The following PAK2 variants were observed in gnomAD, a reference collection of about 807,000 sequenced individuals.
The protein encoded by PAK2 is serine/threonine-protein kinase PAK 2.
A neutral mutation model predicts 65.9 loss-of-function variants in PAK2; 21 were observed. The observed-to-expected ratio is 0.32, with a 90% confidence interval of 0.23 to 0.46. The LOEUF is 0.46. PAK2 is among the 20% of genes least tolerant of loss of function. The probability of loss-of-function intolerance (pLI) is 1.00; values close to 1 mark genes in which losing one functional copy is unlikely to be tolerated. For missense variants in PAK2, 324 were observed against 642.6 expected (o/e 0.50, Z 5.36); for synonymous variants, 204 against 219.7 (o/e 0.93, Z 0.63).
chr3:196,823,466 CAG>C, intron 13 of PAK2, among the ~76,000 whole-genome samples: 1 of 152,016 alleles, frequency 6.6e-6, no homozygotes, highest in East Asian at 1.9e-4. Context: ...AAGCTCCTAT[CAG>C]CAGATCCAGA....
chr3:196,806,913 T>C (rs1278835775), intron 6 of PAK2, among the ~76,000 whole-genome samples: 1 of 152,174 alleles, frequency 6.6e-6, no homozygotes, highest in Non-Finnish European at 1.5e-5. Context: ...CTCACCTCAC[T>C]GGGCTTTTTT....
At chr3:196,803,215 TAGA>T (rs1715475598) in intron 4 of PAK2, 51 bp downstream of exon 4, 3 of 1,417,620 alleles carry the variant, frequency 2.1e-6, no homozygotes, top group Non-Finnish European at 2.9e-6. Context: ...GAAGCACTTC[TAGA>T]TAAAAAGATT....
chr3:196,777,770 G>A (rs956961321), intron 1 of PAK2, among the ~76,000 whole-genome samples: 2 of 152,144 alleles, frequency 1.3e-5, no homozygotes, highest in African/African-American at 2.4e-5. Flanking sequence ...GACTCAGGTC[G>A]TCTTTTATTT....
At chr3:196,805,169 A>G (rs1429209266) in intron 4 of PAK2, among the ~76,000 whole-genome samples, 183 bp from the exon 5 acceptor site, 3 of 151,848 alleles carry the variant, frequency 2.0e-5, no homozygotes, top group African/African-American at 7.3e-5. Context: ...TAGATTTCAG[A>G]TTTCTTACCT....
rs906620863 is a variant in PAK2, at chr3:196,787,735, C to T, written c.187+4902C>T. Among the ~76,000 whole-genome samples the T allele has an allele frequency of 3.9e-5, 6 of 152,270 alleles. No individual in the cohort carries two copies. In the South Asian group the frequency reaches 1.0e-3, roughly 26 times the overall value. ...CATGTCGTTTTCAGTCTCAGAGAGA[C>T]AGAGATGTGTGGAATGTTTGGAGGG... is the stretch of plus-strand genomic sequence containing the variant. On this transcript the variant is annotated intron_variant, in intron 2 of 14. Coordinates refer to ENST00000327134, the MANE Select transcript of PAK2 (RefSeq NM_002577.4).
intron 2 of PAK2, among the ~76,000 whole-genome samples, chr3:196,786,611 T>G (rs1714898672): frequency 6.6e-6 from 1 of 152,240 alleles, no homozygotes; most frequent in African/African-American, 2.4e-5. Flanking sequence ...TTTGTATATT[T>G]GTGAAAAGAT....
At chr3:196,750,077 C>T (rs992300782) in intron 1 of PAK2, among the ~76,000 whole-genome samples, 9 of 151,972 alleles carry the variant, frequency 5.9e-5, no homozygotes, top group African/African-American at 1.7e-4. Context: ...ACCTCCGCCT[C>T]CTGGGTTCAA....
chr3:196,806,246 C>G (rs1238928667), intron 5 of PAK2, among the ~76,000 whole-genome samples: 3 of 152,072 alleles, frequency 2.0e-5, no homozygotes, highest in African/African-American at 4.8e-5. Context: ...CCAGATGTCT[C>G]TGACATAACA....
intron 1 of PAK2, among the ~76,000 whole-genome samples, chr3:196,741,103 C>A (rs188364711): frequency 3.3e-5 from 5 of 152,198 alleles, no homozygotes; most frequent in African/African-American, 1.2e-4. Context: ...TCTTTGTTTT[C>A]TTTTTTAACC....
At chr3:196,765,499 T>C (rs547070536) in intron 1 of PAK2, among the ~76,000 whole-genome samples, 35 of 152,340 alleles carry the variant, frequency 2.3e-4, no homozygotes, top group African/African-American at 8.4e-4. Flanking sequence ...GCCAGCTGTA[T>C]ATAAGAATTC....
intron 11 of PAK2, among the ~76,000 whole-genome samples, chr3:196,817,665 T>C (rs1711519961): frequency 6.6e-6 from 1 of 151,976 alleles, no homozygotes; most frequent in Non-Finnish European, 1.5e-5. Context: ...CCCTGGCTAA[T>C]TTTTGTATTT....
In PAK2 at chr3:196,823,568, C is replaced by CA. The variant is rs774418777; in HGVS notation, c.1350+3009dup. The stretch of plus-strand genomic sequence containing the variant: ...GCAAACAAACAAACAAACAAACAAA[C>CA]AAAAAAAACACCTTGGGCCGGGCAC... On this transcript the variant is annotated intron_variant, in intron 13 of 14. Coordinates refer to ENST00000327134, the MANE Select transcript of PAK2 (RefSeq NM_002577.4). 4.5e-3 allele frequency among the ~76,000 whole-genome samples: 680 copies of CA among 150,230 alleles called. 5 individuals carry two copies. Among genetic ancestry groups the CA allele is most frequent in the African/African-American group, 0.016 (633 of 40,726 alleles).
intron 1 of PAK2, among the ~76,000 whole-genome samples, chr3:196,779,239 T>C (rs1714631387): frequency 6.6e-6 from 1 of 152,262 alleles, no homozygotes; most frequent in Non-Finnish European, 1.5e-5. Context: ...ACATACTTAT[T>C]TGATACTTTG....
intron 1 of PAK2, among the ~76,000 whole-genome samples, chr3:196,745,611 G>A (rs141686558): frequency 1.3e-5 from 2 of 152,208 alleles, no homozygotes; most frequent in East Asian, 3.9e-4. Flanking sequence ...GTCAGCAGTT[G>A]GAAACAGCCT....
rs186983607 is a variant in PAK2 at position 196,773,253 on chromosome 3, C to A, written c.-21-9373C>A. The stretch of plus-strand genomic sequence containing the variant: ...CAGATTTAGAGAGAGGCACTACTTA[C>A]CGTTTGCTCTTTTTTTTGTAAAACA... On this transcript the variant is annotated intron_variant, in intron 1 of 14. Transcript: ENST00000327134. Among the ~76,000 whole-genome samples, 20 of 152,290 alleles carry A rather than the reference C, an allele frequency of 1.3e-4. No homozygotes were observed. In the East Asian group the frequency reaches 2.5e-3, roughly 19 times the overall value.
chr3:196,755,959 T>A (rs1417717746), intron 1 of PAK2, among the ~76,000 whole-genome samples: 3 of 152,118 alleles, frequency 2.0e-5, no homozygotes, highest in African/African-American at 7.2e-5. Flanking sequence ...TTTCACTGTG[T>A]TGGTCTGGCT....
chr3:196,785,049 C>T (rs76192581), intron 2 of PAK2: 15,047 of 152,222 alleles, frequency 0.099, 1,227 homozygotes, highest in East Asian at 0.44. Flanking sequence ...TTCTCTGTAT[C>T]GTTCGTATTT....
chr3:196,775,139 T>C (rs551015839), intron 1 of PAK2, among the ~76,000 whole-genome samples: 3 of 152,188 alleles, frequency 2.0e-5, no homozygotes, highest in African/African-American at 4.8e-5. Context: ...ATAATTTCAT[T>C]AGGGACATCT....
intron 13 of PAK2, among the ~76,000 whole-genome samples, chr3:196,821,355 A>G (rs980679041): frequency 1.3e-5 from 2 of 151,956 alleles, no homozygotes; most frequent in African/African-American, 4.8e-5. Flanking sequence ...ACCCCACCAC[A>G]ACAGGATAAC....
Sources: allele counts gnomAD v4.1 joint callset (sites outside exome capture counted in the v4.1 genomes callset), GRCh38; gene constraint gnomAD v4.1.1; transcripts MANE v1.5; gene names NCBI Gene and HGNC (gene_info 2026-07-23, HGNC 2026-07-21).